The following LOC128125822 variants were observed in gnomAD, a reference collection of about 807,000 sequenced individuals.
At chr6:63,579,365 C>G in the LOC128125822 span, 1 of 1,487,820 alleles carries the variant, frequency 6.7e-7, no homozygotes, top group Non-Finnish European at 9.2e-7. Context: ...TTTGTACTCT[C>G]TTTCATTTCC....
At chr6:63,579,154 A>G in the LOC128125822 span, 1 of 1,377,456 alleles carries the variant, frequency 7.3e-7, no homozygotes, top group Non-Finnish European at 9.8e-7. Flanking sequence ...CTTAAATAGG[A>G]AGGGTGGTAG....
chr6:63,572,807 G>C, the LOC128125822 span: 1 of 396,948 alleles, frequency 2.5e-6, no homozygotes, highest in African/African-American at 2.1e-5. Flanking sequence ...GGAGCCCGGC[G>C]TCTCCTCCAG....
the LOC128125822 span, chr6:63,582,684 A>G: frequency 6.6e-6 from 1 of 152,374 alleles, no homozygotes; most frequent in African/African-American, 2.4e-5. Context: ...TATAGCAACC[A>G]TAATGTTGAT....
At chr6:63,583,479 T>C in the LOC128125822 span, 1 of 152,314 alleles carries the variant, frequency 6.6e-6, no homozygotes, top group South Asian at 2.1e-4. Flanking sequence ...TTGCCTTCAA[T>C]GAATTAAACC....
chr6:63,576,577 T>G, the LOC128125822 span: 1 of 436,586 alleles, frequency 2.3e-6, no homozygotes, highest in Non-Finnish European at 4.0e-6. Flanking sequence ...CCCATAAGAG[T>G]GGTTATCCTG....
At chr6:63,578,371 T>C in the LOC128125822 span, 2 of 1,512,822 alleles carry the variant, frequency 1.3e-6, no homozygotes, top group Non-Finnish European at 1.8e-6. Flanking sequence ...ATGATCAGAA[T>C]ATAAAATGTT....
chr6:63,582,423 C>G, the LOC128125822 span: 1 of 152,590 alleles, frequency 6.6e-6, no homozygotes, highest in South Asian at 2.1e-4. Flanking sequence ...ACTTTATAAA[C>G]CTTATCTGTA....
At chr6:63,578,472 A>G in the LOC128125822 span, 3 of 1,610,762 alleles carry the variant, frequency 1.9e-6, no homozygotes, top group Non-Finnish European at 2.5e-6. Flanking sequence ...CAATAGTAAG[A>G]GTATGTGAAG....
At chr6:63,581,800 C>T in the LOC128125822 span, 1 of 152,090 alleles carries the variant, frequency 6.6e-6, no homozygotes, top group Non-Finnish European at 1.5e-5. Context: ...TTCTCCTTTG[C>T]AAATTAATAA....
the LOC128125822 span, among the ~76,000 whole-genome samples, chr6:63,572,920 C>A: frequency 6.6e-6 from 1 of 152,104 alleles, no homozygotes; most frequent in African/African-American, 2.4e-5. Context: ...AGATGCCGGG[C>A]CCCTCGGGGC....
chr6:63,578,467 G>A, the LOC128125822 span: 1 of 1,610,118 alleles, frequency 6.2e-7, no homozygotes, highest in Non-Finnish European at 8.5e-7. Flanking sequence ...TACCACAATA[G>A]TAAGAGTATG....
the LOC128125822 span, chr6:63,572,612 G>T: frequency 2.4e-6 from 1 of 419,430 alleles, no homozygotes. Flanking sequence ...GCTCCGCCAC[G>T]ACCACCGCCG....
chr6:63,580,178 T>C, the LOC128125822 span: 1 of 1,598,044 alleles, frequency 6.3e-7, no homozygotes. Flanking sequence ...TCAATAAAAT[T>C]GGGGTGCCTA....
chr6:63,576,318 C>T, the LOC128125822 span: 1 of 388,596 alleles, frequency 2.6e-6, no homozygotes, highest in Non-Finnish European at 4.5e-6. Context: ...GTCGATGAAG[C>T]GGCTCAGGCC....
At chr6:63,575,154 A>G in the LOC128125822 span, among the ~76,000 whole-genome samples, 1 of 152,228 alleles carries the variant, frequency 6.6e-6, no homozygotes, top group Non-Finnish European at 1.5e-5. Context: ...AAGGTGTAAA[A>G]TGGAAATGGG....
At chr6:63,578,838 A>G in the LOC128125822 span, 552 of 1,365,448 alleles carry the variant, frequency 4.0e-4, no homozygotes, top group Middle Eastern at 5.4e-4. Flanking sequence ...AGAAATTTAG[A>G]ATTATTACTA....
the LOC128125822 span, chr6:63,573,729 G>C: frequency 6.6e-6 from 1 of 152,246 alleles, no homozygotes; most frequent in Non-Finnish European, 1.5e-5. Context: ...GTCTAGTCTT[G>C]TCCTTTCTCT....
the LOC128125822 span, chr6:63,579,378 G>A: frequency 6.9e-7 from 1 of 1,445,066 alleles, no homozygotes; most frequent in Admixed American, 1.9e-5. Context: ...TCATTTCCTT[G>A]TTGAGTGTCA....
the LOC128125822 span, among the ~76,000 whole-genome samples, chr6:63,573,895 G>A: frequency 6.6e-6 from 1 of 152,140 alleles, no homozygotes; most frequent in African/African-American, 2.4e-5. Context: ...TTTAATCGGG[G>A]ACTGTTTAGA....
Sources: allele counts gnomAD v4.1 joint callset (sites outside exome capture counted in the v4.1 genomes callset), GRCh38; gene constraint gnomAD v4.1.1; transcripts MANE v1.5.